Variants in MED27 observed in about 807,000 individuals in gnomAD.
MED27 encodes the protein mediator complex subunit 27, also known as mediator of RNA polymerase II transcription subunit 27.
MED27 carries 30 observed loss-of-function variants against 38.2 expected under a neutral mutation model. The observed-to-expected ratio is 0.79, with a 90% CI of 0.59 to 1.07. MED27 has a LOEUF of 1.07. Among genes scored for constraint, MED27 ranks in the 50% least tolerant of loss-of-function variants. The pLI, the probability that MED27 is intolerant of heterozygous loss-of-function variation, is 0.00. For missense variants in MED27, 289 were observed against 397.5 expected (o/e 0.73, Z 2.32); for synonymous variants, 122 against 153.5 (o/e 0.79, Z 1.52).
At chr9:132,070,047 G>A (rs530676448) in intron 2 of MED27, among the ~76,000 whole-genome samples, 29 of 152,344 alleles carry the variant, frequency 1.9e-4, no homozygotes, top group Non-Finnish European at 1.6e-4. Context: ...CCCGGAAGGT[G>A]GAAGCTACTG....
intron 2 of MED27, among the ~76,000 whole-genome samples, chr9:132,019,018 G>A (rs1489808958): frequency 3.9e-5 from 6 of 152,104 alleles, no homozygotes; most frequent in Non-Finnish European, 7.4e-5. Flanking sequence ...ACCCACAGGA[G>A]GGCAGAAGAG....
At chr9:132,077,708 C>A in intron 1 of MED27, 122 bp from the exon 2 acceptor site, 1 of 971,592 alleles carries the variant, frequency 1.0e-6, no homozygotes, top group Non-Finnish European at 1.4e-6. Flanking sequence ...AGAAGAAATA[C>A]TTTTTGAAAG....
rs1412013248 is a variant in MED27 at position 131,862,675 on chromosome 9, C to T, written c.801+388G>A. On this transcript the variant is annotated intron_variant, in intron 7 of 7. Transcript: ENST00000292035. This position sits in a 1 kb window ranked among gnomAD's most constrained non-coding sequence, Gnocchi z 4.6. ...CTGCTATCATCTCGAGCTCCAACTC[C>T]GAAAATCGAAGGAGGAAACGTCTTG... Among the ~76,000 whole-genome samples the T allele has an allele frequency of 2.0e-5, 3 of 152,182 alleles. No homozygotes were observed. Among genetic ancestry groups the T allele is most frequent in the Admixed American group, 6.5e-5 (1 of 15,284 alleles).
chr9:131,878,635 T>A (rs541690116), intron 6 of MED27, among the ~76,000 whole-genome samples: 1 of 152,166 alleles, frequency 6.6e-6, no homozygotes, highest in Non-Finnish European at 1.5e-5. Flanking sequence ...AGCAAGACAA[T>A]GCAGTGAGTA....
chr9:132,010,630 C>G (rs533450972), intron 3 of MED27, among the ~76,000 whole-genome samples: 216 of 152,298 alleles, frequency 1.4e-3, no homozygotes, highest in African/African-American at 5.2e-3. Flanking sequence ...TTGGAACCAA[C>G]CTAAATGTCC....
chr9:131,922,745 G>A (rs1037764686), intron 4 of MED27, among the ~76,000 whole-genome samples: 26 of 151,632 alleles, frequency 1.7e-4, no homozygotes, highest in African/African-American at 4.8e-4. Flanking sequence ...CCATTAACTC[G>A]TCATTTAGCA....
chr9:131,999,844 T>C (rs955608470), intron 3 of MED27, among the ~76,000 whole-genome samples: 3 of 152,010 alleles, frequency 2.0e-5, no homozygotes, highest in African/African-American at 7.2e-5. Context: ...AGAAACACCA[T>C]GAAATACTTA....
At chr9:132,075,413 G>A (rs777340024) in intron 2 of MED27, among the ~76,000 whole-genome samples, 6 of 152,128 alleles carry the variant, frequency 3.9e-5, no homozygotes, top group East Asian at 3.8e-4. Context: ...CTACAACCTC[G>A]ACACCTCCTC....
chr9:131,920,990 T>C (rs949573371), intron 4 of MED27, among the ~76,000 whole-genome samples: 1 of 151,976 alleles, frequency 6.6e-6, no homozygotes, highest in Non-Finnish European at 1.5e-5. Context: ...TATAATAATC[T>C]AGGTGTGAGG....
chr9:132,032,407 T>C (rs1321246470), intron 2 of MED27, among the ~76,000 whole-genome samples: 2 of 152,124 alleles, frequency 1.3e-5, no homozygotes, highest in Non-Finnish European at 2.9e-5. Context: ...AGCCCACACA[T>C]TTGATTTTTT....
chr9:131,912,093 A>G (rs1256454190), intron 4 of MED27, among the ~76,000 whole-genome samples: 1 of 152,224 alleles, frequency 6.6e-6, no homozygotes, highest in Admixed American at 6.5e-5. Context: ...ATTAAACTAT[A>G]TAACCAAGAG....
At chr9:131,899,457 T>C (rs1362258916) in intron 4 of MED27, among the ~76,000 whole-genome samples, 1 of 152,184 alleles carries the variant, frequency 6.6e-6, no homozygotes, top group Non-Finnish European at 1.5e-5. Context: ...TCTCCAGCAC[T>C]GTGCTTCAGG....
At chr9:131,933,052 G>T (rs973964936) in intron 4 of MED27, among the ~76,000 whole-genome samples, 1 of 152,014 alleles carries the variant, frequency 6.6e-6, no homozygotes, top group African/African-American at 2.4e-5. Flanking sequence ...AAAAACATTT[G>T]ATAAAAACCA....
intron 3 of MED27, among the ~76,000 whole-genome samples, chr9:131,986,239 C>A (rs1477393832): frequency 1.3e-5 from 2 of 152,142 alleles, no homozygotes; most frequent in East Asian, 3.8e-4. Flanking sequence ...TGCCCTACAC[C>A]TTCACATTCA....
chr9:132,073,639 C>A, intron 2 of MED27: 1 of 1,454,522 alleles, frequency 6.9e-7, no homozygotes, highest in Non-Finnish European at 9.0e-7. Flanking sequence ...GTAACTTAGT[C>A]ATTAAGCAAC....
intron 2 of MED27, among the ~76,000 whole-genome samples, chr9:132,053,453 A>G (rs1329382660): frequency 6.7e-6 from 1 of 150,312 alleles, no homozygotes; most frequent in Non-Finnish European, 1.5e-5. Context: ...TCTTGTAACA[A>G]AAAAAAAAGG....
chr9:131,904,273 A>T (rs1189598214), intron 4 of MED27, among the ~76,000 whole-genome samples: 1 of 151,908 alleles, frequency 6.6e-6, no homozygotes, highest in African/African-American at 2.4e-5. Context: ...TCCTGGACTC[A>T]AACAGTCCAT....
intron 2 of MED27, among the ~76,000 whole-genome samples, chr9:132,030,999 G>C: frequency 6.6e-6 from 1 of 152,356 alleles, no homozygotes; most frequent in South Asian, 2.1e-4. Flanking sequence ...GGTTGGGAGG[G>C]TGGGAGAAGT....
At chr9:131,908,849 C>T (rs1254143102) in intron 4 of MED27, among the ~76,000 whole-genome samples, 3 of 147,792 alleles carry the variant, frequency 2.0e-5, no homozygotes, top group Admixed American at 6.8e-5. Context: ...TCCCCCTCTG[C>T]GAGAAACACC....
Sources: allele counts gnomAD v4.1 joint callset (sites outside exome capture counted in the v4.1 genomes callset), GRCh38; gene constraint gnomAD v4.1.1; non-coding constraint Gnocchi (gnomAD v3.1); transcripts MANE v1.5; gene names NCBI Gene and HGNC (gene_info 2026-07-23, HGNC 2026-07-21).